Variants in LGSN observed in about 807,000 individuals in gnomAD.
The protein encoded by LGSN is lengsin, lens protein with glutamine synthetase domain.
A neutral mutation model predicts 19.5 loss-of-function variants in LGSN; 21 were observed. The observed-to-expected ratio is 1.07, with a 90% CI of 0.76 to 1.55. The LOEUF (loss-of-function observed/expected upper bound fraction) is 1.55, where lower values mean the gene tolerates loss of function less well. LGSN is among the 40% of genes most tolerant of loss of function. The probability of loss-of-function intolerance (pLI) is 0.00; values close to 1 mark genes in which losing one functional copy is unlikely to be tolerated. For synonymous variants in LGSN, 257 were observed against 215.6 expected (o/e 1.19, Z -1.68); for missense variants, 673 against 608.5 (o/e 1.11, Z -1.12).
At chr6:63,552,500 T>C in the LGSN span, among the ~76,000 whole-genome samples, 4 of 152,198 alleles carry the variant, frequency 2.6e-5, no homozygotes, top group Non-Finnish European at 5.9e-5. Flanking sequence ...TTCACTCTGA[T>C]GGTAGTTTCT....
At chr6:63,420,911 A>T in the LGSN span, among the ~76,000 whole-genome samples, 1 of 152,242 alleles carries the variant, frequency 6.6e-6, no homozygotes, top group Non-Finnish European at 1.5e-5. Flanking sequence ...AGAAATCAAA[A>T]GTCTTGGTAA....
At chr6:63,481,814 G>C in the LGSN span, 6 of 315,256 alleles carry the variant, frequency 1.9e-5, no homozygotes, top group Non-Finnish European at 1.9e-5. Context: ...AGATATGCGG[G>C]AGGAGCAGAT....
chr6:63,532,886 G>A, the LGSN span, among the ~76,000 whole-genome samples: 1 of 152,088 alleles, frequency 6.6e-6, no homozygotes, highest in African/African-American at 2.4e-5. Flanking sequence ...AATTATATCT[G>A]CTTTTTAGCT....
chr6:63,368,173 C>G, the LGSN span, among the ~76,000 whole-genome samples: 1 of 151,792 alleles, frequency 6.6e-6, no homozygotes, highest in African/African-American at 2.4e-5. Context: ...GTTGTTTTTT[C>G]CTGACTGGTT....
the LGSN span, among the ~76,000 whole-genome samples, chr6:63,347,111 C>T: frequency 6.6e-6 from 1 of 152,080 alleles, no homozygotes; most frequent in South Asian, 2.1e-4. Flanking sequence ...CAGAGACACC[C>T]AGTTGATGTT....
the LGSN span, among the ~76,000 whole-genome samples, chr6:63,470,176 T>G: frequency 6.6e-6 from 1 of 151,818 alleles, no homozygotes; most frequent in Non-Finnish European, 1.5e-5. Context: ...AGGCACGCAC[T>G]CAGACTTATG....
intron 1 of LGSN, among the ~76,000 whole-genome samples, chr6:63,295,875 G>A (rs1431846033): frequency 6.6e-6 from 1 of 152,096 alleles, no homozygotes; most frequent in African/African-American, 2.4e-5. Context: ...AGCTGACACT[G>A]GTATTTTTAA....
the LGSN span, among the ~76,000 whole-genome samples, chr6:63,519,504 A>T: frequency 6.6e-6 from 1 of 152,206 alleles, no homozygotes; most frequent in East Asian, 1.9e-4. Context: ...TACTAATGAT[A>T]AACTGACTGA....
At chr6:63,464,381 G>A in the LGSN span, among the ~76,000 whole-genome samples, 3 of 151,916 alleles carry the variant, frequency 2.0e-5, no homozygotes, top group African/African-American at 7.3e-5. Flanking sequence ...CTCTATTACA[G>A]GCTAATATCT....
At chr6:63,551,792 TG>T in the LGSN span, among the ~76,000 whole-genome samples, 1 of 150,734 alleles carries the variant, frequency 6.6e-6, no homozygotes, top group African/African-American at 2.4e-5. Flanking sequence ...GAACATGTGG[TG>T]TTTGGTTTTT....
the LGSN span, among the ~76,000 whole-genome samples, chr6:63,517,831 T>A: frequency 1.3e-5 from 2 of 152,054 alleles, no homozygotes; most frequent in Non-Finnish European, 2.9e-5. Flanking sequence ...CGCAACCCAA[T>A]AGTTTTTAAA....
At chr6:63,282,900 T>C (rs1436936044) in intron 3 of LGSN, among the ~76,000 whole-genome samples, 1 of 152,210 alleles carries the variant, frequency 6.6e-6, no homozygotes, top group Admixed American at 6.5e-5. Context: ...ATTTCCCTGC[T>C]TGTCAGTTTT....
chr6:63,339,705 C>A, the LGSN span, among the ~76,000 whole-genome samples: 1 of 152,014 alleles, frequency 6.6e-6, no homozygotes, highest in African/African-American at 2.4e-5. Context: ...TGAGGACTTG[C>A]TCCTGTCATT....
the LGSN span, among the ~76,000 whole-genome samples, chr6:63,560,730 TC>T: frequency 6.6e-6 from 1 of 152,128 alleles, no homozygotes; most frequent in African/African-American, 2.4e-5. Flanking sequence ...GAAATTAAGT[TC>T]AATAGAAATA....
chr6:63,565,454 A>C, the LGSN span, among the ~76,000 whole-genome samples: 1 of 152,352 alleles, frequency 6.6e-6, no homozygotes, highest in South Asian at 2.1e-4. Flanking sequence ...CTTTAAAAAA[A>C]AAAGTTGTTC....
chr6:63,567,764 G>C, the LGSN span, among the ~76,000 whole-genome samples: 1 of 152,212 alleles, frequency 6.6e-6, no homozygotes, highest in Non-Finnish European at 1.5e-5. Context: ...TCTTCTTCCA[G>C]TATAAGACTG....
chr6:63,451,770 AG>A, the LGSN span, among the ~76,000 whole-genome samples: 2 of 152,186 alleles, frequency 1.3e-5, no homozygotes, highest in Admixed American at 6.5e-5. Context: ...TTAAAAAAAA[AG>A]AAAAAAGTAA....
the LGSN span, among the ~76,000 whole-genome samples, chr6:63,359,317 A>C: frequency 6.6e-6 from 1 of 152,044 alleles, no homozygotes; most frequent in Non-Finnish European, 1.5e-5. Context: ...GTCTCTGCCC[A>C]GCTTTGGTAT....
At chr6:63,282,591 A>C (rs778791055) in intron 3 of LGSN, among the ~76,000 whole-genome samples, 1 of 152,184 alleles carries the variant, frequency 6.6e-6, no homozygotes, top group Non-Finnish European at 1.5e-5. Flanking sequence ...GTATTAGCCA[A>C]AGTAATTTAC....
Sources: allele counts gnomAD v4.1 joint callset (sites outside exome capture counted in the v4.1 genomes callset), GRCh38; gene constraint gnomAD v4.1.1; transcripts MANE v1.5; gene names NCBI Gene and HGNC (gene_info 2026-07-23, HGNC 2026-07-21).